DAB1: variants seen among roughly 807,000 people sequenced by gnomAD.
DAB1 encodes the protein DAB adaptor protein 1.
Under a neutral mutation model 64.6 loss-of-function variants are expected in DAB1, and 15 were observed. The ratio of observed to expected loss-of-function variants is 0.23; its 90% CI spans 0.16 to 0.36. The LOEUF (loss-of-function observed/expected upper bound fraction) is 0.36. Ranked by LOEUF, DAB1 falls within the 10% of genes least tolerant of loss-of-function variation. The pLI, the probability that DAB1 is intolerant of heterozygous loss-of-function variation, is 1.00. For missense variants in DAB1, 596 were observed against 706.7 expected (o/e 0.84, Z 1.78); for synonymous variants, 235 against 251.9 (o/e 0.93, Z 0.64).
chr1:57,170,000 CTTT>C (rs57228221), intron 2 of DAB1, among the ~76,000 whole-genome samples: 110 of 142,752 alleles, frequency 7.7e-4, no homozygotes, highest in South Asian at 3.3e-3. Context: ...TTCTTTCTTT[CTTT>C]TTTTTTTTTT....
chr1:57,703,018 C>T (rs891423095), intron 6 of DAB1, among the ~76,000 whole-genome samples: 1 of 152,116 alleles, frequency 6.6e-6, no homozygotes, highest in African/African-American at 2.4e-5. Flanking sequence ...CTCTTCCTTA[C>T]ACCATATACA....
intron 6 of DAB1, among the ~76,000 whole-genome samples, chr1:57,699,883 A>T (rs1248269678): frequency 6.6e-6 from 1 of 152,214 alleles, no homozygotes; most frequent in Admixed American, 6.5e-5. Flanking sequence ...ACTACACTCC[A>T]GCCTGGTGAC....
At chr1:57,071,209 A>T (rs1570636052) in intron 6 of DAB1, 148 bp from the exon 7 acceptor site, 4 of 793,774 alleles carry the variant, frequency 5.0e-6, no homozygotes, top group East Asian at 5.2e-5. Context: ...AACACAAAAA[A>T]GTCAAAATCC....
chr1:58,230,942 C>G (rs181820444), intron 4 of DAB1, among the ~76,000 whole-genome samples: 1 of 152,170 alleles, frequency 6.6e-6, no homozygotes, highest in Non-Finnish European at 1.5e-5. Flanking sequence ...TTCTGAATTG[C>G]ACCTCTGCCT....
intron 7 of DAB1, among the ~76,000 whole-genome samples, chr1:57,492,928 A>G (rs1215364968): frequency 6.6e-6 from 1 of 152,058 alleles, no homozygotes; most frequent in East Asian, 1.9e-4. Context: ...GACTTAATTC[A>G]GGCATCTGCA....
At chr1:57,277,854 G>A (rs921153818) in intron 2 of DAB1, among the ~76,000 whole-genome samples, 50 of 152,104 alleles carry the variant, frequency 3.3e-4, no homozygotes, top group African/African-American at 8.2e-4. Context: ...ATCATCTACT[G>A]GGCTTCTTCC....
chr1:58,144,799 G>T (rs746215229), intron 5 of DAB1, among the ~76,000 whole-genome samples: 3 of 152,230 alleles, frequency 2.0e-5, no homozygotes, highest in Non-Finnish European at 2.9e-5. Context: ...GCCCAGGTCA[G>T]AGTTGTGCCA....
At chr1:58,169,280 G>A (rs1273951286) in intron 4 of DAB1, among the ~76,000 whole-genome samples, 1 of 152,178 alleles carries the variant, frequency 6.6e-6, no homozygotes, top group Non-Finnish European at 1.5e-5. Flanking sequence ...TCTTGGGTAA[G>A]AGGTGTTTCT....
In DAB1 at chr1:57,034,907, G is replaced by A. The variant is rs75089672; in HGVS notation, c.724-8864C>T. On this transcript the variant is annotated intron_variant, in intron 9 of 14. Coordinates refer to ENST00000371236, the MANE Select transcript of DAB1 (RefSeq NM_001365792.1). ...GTGACTGTTACTTCCCTCAGCCCCA[G>A]TTACAAAGTGCAGAGCAGAGCAGAG... Among the ~76,000 whole-genome samples, 162 of 152,256 alleles carry A rather than the reference G, an allele frequency of 1.1e-3. 1 individual carries two copies. Among genetic ancestry groups the A allele is most frequent in the African/African-American group, 3.7e-3 (152 of 41,554 alleles).
intron 6 of DAB1, among the ~76,000 whole-genome samples, chr1:57,665,895 ATGTG>A (rs1646442579): frequency 7.2e-6 from 1 of 138,864 alleles, no homozygotes; most frequent in South Asian, 2.3e-4. Context: ...TTGCGTGTGC[ATGTG>A]TGTGTTTTTC....
chr1:57,979,123 T>C (rs757778903), intron 5 of DAB1, among the ~76,000 whole-genome samples: 1 of 152,206 alleles, frequency 6.6e-6, no homozygotes, highest in Non-Finnish European at 1.5e-5. Context: ...CATATGTTTA[T>C]TGCAGTACTA....
intron 1 of DAB1, among the ~76,000 whole-genome samples, chr1:58,535,339 A>G (rs1485443299): frequency 6.6e-6 from 1 of 152,170 alleles, no homozygotes; most frequent in African/African-American, 2.4e-5. Context: ...ATGGTGGCTC[A>G]TGCCTGTAAT....
Position 57,309,052 on chromosome 1 carries a change from T to G in DAB1, c.-136-17886A>C, listed in dbSNP as rs953453501. Among the ~76,000 whole-genome samples, 6 of 152,196 alleles carry G rather than the reference T, an allele frequency of 3.9e-5. No individual in the cohort carries two copies. In the South Asian group the frequency reaches 6.2e-4, roughly 16 times the overall value. On this transcript the variant is annotated intron_variant, in intron 1 of 14. Coordinates refer to ENST00000371236, the MANE Select transcript of DAB1 (RefSeq NM_001365792.1). ...CGTTCTTAAAATATTATGAAATTTT[T>G]TTGTGACATTTTTTAGCTCATCAGC...
At chr1:57,822,192 C>G (rs1450111001), downstream of DAB1, among the ~76,000 whole-genome samples, 1 of 152,166 alleles carries the variant, frequency 6.6e-6, no homozygotes, top group Non-Finnish European at 1.5e-5. Flanking sequence ...AATTATTTGT[C>G]AGATAAATGT....
rs113081638 is a variant in DAB1, at chr1:57,947,132, A to G, written n.388-62970T>C. Among the ~76,000 whole-genome samples the G allele has an allele frequency of 2.9e-3, 434 of 152,222 alleles. 4 individuals are homozygous for G. The highest frequency in any genetic ancestry group is 9.8e-3 in the African/African-American group (407 of 41,548). On this transcript the variant is annotated intron_variant and non_coding_transcript_variant, in intron 5 of 20. Coordinates refer to the DAB1 transcript ENST00000485760. ...AGTAGACACCATTACCCCTGTCAAA[A>G]TATGAGGAAACGAGGGCATAAAAAG...
At chr1:57,387,962 C>T (rs1202691972) in intron 1 of DAB1, among the ~76,000 whole-genome samples, 2 of 152,036 alleles carry the variant, frequency 1.3e-5, no homozygotes, top group Non-Finnish European at 2.9e-5. Flanking sequence ...GCTACATGCC[C>T]CTCTGTCTTC....
At chr1:57,545,249 G>A (rs909555672) in intron 7 of DAB1, among the ~76,000 whole-genome samples, 4 of 152,092 alleles carry the variant, frequency 2.6e-5, no homozygotes, top group African/African-American at 9.7e-5. Context: ...ACAGATCACT[G>A]ACCCAAGCCC....
intron 2 of DAB1, among the ~76,000 whole-genome samples, chr1:58,526,342 G>A (rs1251461267): frequency 6.6e-6 from 1 of 152,008 alleles, no homozygotes; most frequent in Non-Finnish European, 1.5e-5. Flanking sequence ...CTTATGAGAG[G>A]TTCAAATAAA....
At chr1:57,558,374 G>A (rs1645014208) in intron 7 of DAB1, among the ~76,000 whole-genome samples, 1 of 152,136 alleles carries the variant, frequency 6.6e-6, no homozygotes, top group African/African-American at 2.4e-5. Context: ...ATCCCTGTTT[G>A]CTTCCAGACC....
Sources: gnomAD v4.1 joint callset for allele counts (sites outside exome capture counted in the v4.1 genomes callset) on GRCh38, gnomAD v4.1.1 for gene constraint, MANE v1.5 for transcripts, NCBI Gene and HGNC (gene_info 2026-07-23, HGNC 2026-07-21) for gene names.